The following GPHN variants were observed in gnomAD, a reference collection of about 807,000 sequenced individuals.
The protein encoded by GPHN is gephyrin.
In GPHN, 17 loss-of-function variants were observed where a neutral mutation model predicts 95.5. The ratio of observed to expected loss-of-function variants is 0.18; its 90% CI spans 0.12 to 0.27. GPHN has a LOEUF of 0.27. Ranked by LOEUF, GPHN falls within the 10% of genes least tolerant of loss-of-function variation. The pLI is 1.00. For missense variants in GPHN, 660 were observed against 978.1 expected, an observed-to-expected ratio of 0.67 and a Z score of 4.34; for synonymous variants, 320 against 322.5, an observed-to-expected ratio of 0.99 and a Z score of 0.08.
chr14:66,585,105 A>G (rs1208776443), intron 1 of GPHN, among the ~76,000 whole-genome samples: 4 of 151,748 alleles, frequency 2.6e-5, no homozygotes, highest in Non-Finnish European at 5.9e-5. Context: ...CTTCTTCTTG[A>G]TTTAGTCTTG....
chr14:66,900,031 A>G (rs1288569467), intron 5 of GPHN, among the ~76,000 whole-genome samples: 1 of 151,916 alleles, frequency 6.6e-6, no homozygotes, highest in Non-Finnish European at 1.5e-5. Context: ...TAAGTTGTCT[A>G]ATTTATGTAT....
At position 66,842,277 on chromosome 14, in the gene GPHN, C is replaced by G. The variant is rs940863226; in HGVS notation, c.294+17711C>G. On this transcript the variant is annotated intron_variant, in intron 4 of 22. Coordinates refer to ENST00000478722, the MANE Select transcript of GPHN (RefSeq NM_020806.5). The stretch of plus-strand genomic sequence containing the variant: ...CCCCTGATTCTTTCTCATCCACTTT[C>G]AAAGAGGTAGGTAGTTTCTAGTAAT... Among the ~76,000 whole-genome samples, 9 of 152,216 alleles carry G rather than the reference C, an allele frequency of 5.9e-5. No individual in the cohort carries two copies. The East Asian group carries it at 1.5e-3, about 26-fold the overall frequency.
At position 67,113,303 on chromosome 14, in the gene GPHN, G is replaced by A. The variant is rs187810762; in HGVS notation, c.1626+132G>A. ...CCAGTGGATCCACATTCTTATAACA[G>A]GGAAACAATAAATTGGCTTTAGGAT... On this transcript the variant is annotated intron_variant, in intron 16 of 22. Transcript: ENST00000478722. 3,725 of 857,908 alleles carry A rather than the reference G, an allele frequency of 4.3e-3. 10 individuals carry two copies. Among genetic ancestry groups the A allele is most frequent in the Non-Finnish European group, 5.9e-3 (3,077 of 519,180 alleles). The allele number at this position is 857,908 out of a possible 1,614,324, so 53.1% of individuals were successfully genotyped here. A position where few individuals can be genotyped will look rare whatever the true frequency, so the allele number is the denominator to read the frequency against.
intron 18 of GPHN, among the ~76,000 whole-genome samples, chr14:67,144,286 T>TATATATATATACAC (rs1421893686): frequency 2.6e-5 from 2 of 78,126 alleles, no homozygotes; most frequent in African/African-American, 1.3e-4. Context: ...TATATATATA[T>TATATATATATACAC]ACACACACAC....
intron 1 of GPHN, among the ~76,000 whole-genome samples, chr14:66,624,458 A>C (rs1017916498): frequency 1.3e-5 from 2 of 152,208 alleles, no homozygotes; most frequent in Non-Finnish European, 2.9e-5. Context: ...AGTTTACTCT[A>C]TTAAATAAAC....
At chr14:67,650,798 G>A in the GPHN span, 4 of 1,614,142 alleles carry the variant, frequency 2.5e-6, no homozygotes, top group South Asian at 3.3e-5. Context: ...AGCTAACCTG[G>A]CAGTAGATGT....
At chr14:66,576,643 TG>T (rs1371156754) in intron 1 of GPHN, among the ~76,000 whole-genome samples, 6 of 152,212 alleles carry the variant, frequency 3.9e-5, no homozygotes, top group African/African-American at 1.4e-4. Context: ...TAAGTTTATT[TG>T]GGGGATTTGG....
the GPHN span, chr14:67,720,900 A>C: frequency 4.2e-4 from 64 of 152,384 alleles, no homozygotes; most frequent in African/African-American, 1.5e-3. Flanking sequence ...AGCTCAAGCT[A>C]AGGTGAGTAC....
At chr14:67,442,121 T>C in the GPHN span, among the ~76,000 whole-genome samples, 53 of 152,266 alleles carry the variant, frequency 3.5e-4, 2 homozygotes, top group East Asian at 2.7e-3. Context: ...TTTATGCCAA[T>C]GTAGTCACAA....
intron 4 of GPHN, among the ~76,000 whole-genome samples, chr14:66,875,356 G>T (rs2063608221): frequency 6.7e-6 from 1 of 150,236 alleles, no homozygotes; most frequent in South Asian, 2.1e-4. Context: ...CAACTAAGGG[G>T]CAAAATAACC....
At chr14:66,792,866 C>G (rs1201078937) in intron 3 of GPHN, among the ~76,000 whole-genome samples, 1 of 152,238 alleles carries the variant, frequency 6.6e-6, no homozygotes, top group Non-Finnish European at 1.5e-5. Context: ...AGCATTGTTT[C>G]TATAGATATT....
chr14:67,301,363 G>T, the GPHN span: 14 of 1,552,314 alleles, frequency 9.0e-6, no homozygotes, highest in African/African-American at 1.5e-4. Flanking sequence ...AATCTAGGAA[G>T]AATAATCTTT....
the GPHN span, among the ~76,000 whole-genome samples, chr14:67,519,100 G>C: frequency 7.0e-3 from 1,067 of 152,240 alleles, 11 homozygotes; most frequent in African/African-American, 0.025. Context: ...AAGAGGTCAA[G>C]GTAATATGCC....
chr14:67,345,714 A>C, the GPHN span: 1 of 1,244,084 alleles, frequency 8.0e-7, no homozygotes, highest in Non-Finnish European at 1.2e-6. Flanking sequence ...ACTCTCCTCC[A>C]CTTGACTGTT....
At chr14:67,461,545 C>T in the GPHN span, among the ~76,000 whole-genome samples, 2 of 152,170 alleles carry the variant, frequency 1.3e-5, no homozygotes, top group Non-Finnish European at 2.9e-5. Context: ...CCAGCCCTTA[C>T]CCTCACTCTC....
At chr14:66,889,682 C>T (rs1320000338) in intron 5 of GPHN, among the ~76,000 whole-genome samples, 3 of 151,782 alleles carry the variant, frequency 2.0e-5, no homozygotes, top group African/African-American at 7.3e-5. Flanking sequence ...AAACAGCAGT[C>T]TCATGTATAA....
At chr14:67,644,997 T>TAAA in the GPHN span, among the ~76,000 whole-genome samples, 73 of 132,444 alleles carry the variant, frequency 5.5e-4, 1 homozygote, top group Admixed American at 8.5e-4. Context: ...GACTCCGTCT[T>TAAA]AAAAAAAAAA....
chr14:67,495,419 G>A, the GPHN span, among the ~76,000 whole-genome samples: 5 of 152,022 alleles, frequency 3.3e-5, no homozygotes, highest in African/African-American at 2.4e-5. Flanking sequence ...GAGATATTTT[G>A]ACACCTGTTT....
chr14:67,169,075 T>G (rs763088855), intron 21 of GPHN, 39 bp downstream of exon 21: 7 of 1,175,360 alleles, frequency 6.0e-6, no homozygotes, highest in Non-Finnish European at 6.4e-6. Context: ...AATGGAAGCC[T>G]GGTAACAGTT....
Sources: gnomAD v4.1 joint callset for allele counts (sites outside exome capture counted in the v4.1 genomes callset) on GRCh38, gnomAD v4.1.1 for gene constraint, MANE v1.5 for transcripts, NCBI Gene and HGNC (gene_info 2026-07-23, HGNC 2026-07-21) for gene names.